The following DOCK5 variants were observed in gnomAD, a reference collection of about 807,000 sequenced individuals.
DOCK5 encodes the protein dedicator of cytokinesis protein 5.
A neutral mutation model predicts 251.8 loss-of-function variants in DOCK5; 142 were observed. The observed-to-expected ratio is 0.56, with a 90% CI of 0.49 to 0.65. The LOEUF (loss-of-function observed/expected upper bound fraction) is 0.65. DOCK5 is among the 30% of genes least tolerant of loss of function. The pLI is 0.00. For synonymous variants in DOCK5, 842 were observed against 835.5 expected (o/e 1.01, Z -0.13); for missense variants, 2,111 against 2,312.3 (o/e 0.91, Z 1.79).
Position 25,308,830 on chromosome 8 carries a change from CT to C in DOCK5, c.1100del (p.Leu367Ter). 1 of 1,613,912 alleles carries C rather than the reference CT, an allele frequency of 6.2e-7. No homozygotes were observed. The highest frequency in any genetic ancestry group is 8.5e-7 in the Non-Finnish European group (1 of 1,179,846). On this transcript the variant is annotated frameshift_variant, in exon 12 of 52. Coordinates refer to ENST00000276440, the MANE Select transcript of DOCK5 (RefSeq NM_024940.8). LOFTEE classifies it high-confidence loss of function. Reference protein sequence around the residue: ...YIRQRQLIMSPLITSHVIGEN... With the variant: ...YIRQRQLIMSXLITSHVIGEN... ...CGCCAGAGGCAGCTCATCATGTCGCCTTTGATAACATCACACGTGATTGGGG... is the reference window on the plus strand; with the variant it reads ...CGCCAGAGGCAGCTCATCATGTCGCCTTGATAACATCACACGTGATTGGGG...
At chr8:25,231,745 A>G (rs1308386899) in intron 1 of DOCK5, among the ~76,000 whole-genome samples, 2 of 152,306 alleles carry the variant, frequency 1.3e-5, no homozygotes, top group South Asian at 2.1e-4. Context: ...ATTCAAGCAG[A>G]TATCTTTGCC....
chr8:25,302,610 C>T (rs1463142449), intron 10 of DOCK5, among the ~76,000 whole-genome samples, 156 bp downstream of exon 10: 2 of 152,194 alleles, frequency 1.3e-5, no homozygotes, highest in African/African-American at 2.4e-5. Context: ...ATTTGTGCAT[C>T]CATGTTTGTA....
chr8:25,364,839 A>G (rs1800748353), intron 30 of DOCK5, 135 bp downstream of exon 30: 1 of 640,312 alleles, frequency 1.6e-6, no homozygotes, highest in African/African-American at 1.8e-5. Context: ...TCATTTCCTA[A>G]AGCACATATG....
chr8:25,248,260 C>G (rs1352212006), intron 2 of DOCK5, among the ~76,000 whole-genome samples: 2 of 152,206 alleles, frequency 1.3e-5, no homozygotes, highest in Non-Finnish European at 2.9e-5. Flanking sequence ...GCTTGATTCT[C>G]AAATTCCTTT....
intron 18 of DOCK5, among the ~76,000 whole-genome samples, chr8:25,331,801 TAGAGAGAGAGAGAGAGAGAGAGAG>T (rs59239520): frequency 2.5e-5 from 3 of 118,530 alleles, no homozygotes; most frequent in African/African-American, 6.9e-5. Flanking sequence ...TATATATATA[TAGAGAGAGAGAGAGAGAGAGAGAG>T]AGAGAGAGAG....
chr8:25,226,990 C>T (rs962108136), intron 1 of DOCK5, among the ~76,000 whole-genome samples: 2 of 152,186 alleles, frequency 1.3e-5, no homozygotes, highest in African/African-American at 4.8e-5. Context: ...GATGTGTGTA[C>T]CATGATTTAT....
chr8:25,367,207 G>A (rs970263177), intron 31 of DOCK5, among the ~76,000 whole-genome samples: 5 of 152,092 alleles, frequency 3.3e-5, no homozygotes, highest in African/African-American at 1.2e-4. Context: ...TCTGTACCTG[G>A]AGACGGACCT....
intron 1 of DOCK5, among the ~76,000 whole-genome samples, chr8:25,228,747 T>C (rs890876254): frequency 3.3e-5 from 5 of 152,118 alleles, no homozygotes; most frequent in Admixed American, 2.0e-4. Context: ...TTTTTTCACA[T>C]GTTTATTCTT....
chr8:25,298,620 AG>A (rs1249762810), intron 7 of DOCK5, among the ~76,000 whole-genome samples: 1 of 152,206 alleles, frequency 6.6e-6, no homozygotes, highest in East Asian at 1.9e-4. Context: ...TGATTGATTG[AG>A]ACAGGGTCTC....
intron 1 of DOCK5, among the ~76,000 whole-genome samples, chr8:25,217,990 C>T (rs908857610): frequency 1.3e-5 from 2 of 152,178 alleles, no homozygotes; most frequent in African/African-American, 4.8e-5. Flanking sequence ...AATTTGATTT[C>T]AAATACATCT....
rs1259891485 is a variant in DOCK5, at chr8:25,413,901, A to C, written c.*2603A>C. The C allele has an allele frequency of 1.3e-5, 2 of 152,206 alleles. No homozygotes were observed. The highest frequency in any genetic ancestry group is 4.8e-5 in the African/African-American group (2 of 41,456). The allele number at this position is 152,206 out of a possible 1,614,324, so 9.4% of individuals were successfully genotyped here. A position where few individuals can be genotyped will look rare whatever the true frequency, so the allele number is the denominator to read the frequency against. On this transcript the variant is annotated 3_prime_UTR_variant, in exon 52 of 52. Coordinates refer to ENST00000276440, the MANE Select transcript of DOCK5 (RefSeq NM_024940.8). ...GTCACATTTGACAGAATTCATAAAT[A>C]ATGTGTCCTGAAGTCAGAGGATGAC... is the stretch of plus-strand genomic sequence containing the variant.
intron 18 of DOCK5, among the ~76,000 whole-genome samples, chr8:25,329,530 A>G (rs894896336): frequency 6.6e-6 from 1 of 152,200 alleles, no homozygotes; most frequent in South Asian, 2.1e-4. Flanking sequence ...TTTACTCAGC[A>G]TTACTGAAGA....
chr8:25,361,932 A>G (rs1532912), intron 28 of DOCK5, among the ~76,000 whole-genome samples: 47,051 of 152,152 alleles, frequency 0.31, 7,521 homozygotes, highest in East Asian at 0.35. Context: ...ACTGGACAGG[A>G]CTTTCAAGAA....
intron 1 of DOCK5, among the ~76,000 whole-genome samples, chr8:25,219,600 CT>C: frequency 1.3e-5 from 2 of 152,272 alleles, no homozygotes; most frequent in Middle Eastern, 3.4e-3. Flanking sequence ...CTGAAAATAT[CT>C]CTATTCCACC....
At chr8:25,324,976 T>C (rs1805525559) in intron 17 of DOCK5, among the ~76,000 whole-genome samples, 1 of 152,108 alleles carries the variant, frequency 6.6e-6, no homozygotes, top group Non-Finnish European at 1.5e-5. Context: ...GGACATGAAC[T>C]CATCCTTTTT....
chr8:25,395,889 G>C (rs1201149192), intron 45 of DOCK5, 170 bp downstream of exon 45: 1 of 861,386 alleles, frequency 1.2e-6, no homozygotes, highest in African/African-American at 1.7e-5. Flanking sequence ...ACTTCTTAGA[G>C]ACTATCAGCA....
chr8:25,353,006 A>C (rs146527749), intron 27 of DOCK5, among the ~76,000 whole-genome samples: 23 of 152,296 alleles, frequency 1.5e-4, no homozygotes, highest in African/African-American at 5.3e-4. Flanking sequence ...CCATAGCAGA[A>C]ACCCTAAGAC....
At chr8:25,271,240 A>G (rs940866023) in intron 3 of DOCK5, 1 of 160,918 alleles carries the variant, frequency 6.2e-6, no homozygotes, top group Non-Finnish European at 1.3e-5. Flanking sequence ...TTCAGAAGAA[A>G]TCTTTCGGTA....
At chr8:25,237,671 C>A (rs1362718712) in intron 1 of DOCK5, among the ~76,000 whole-genome samples, 1 of 152,166 alleles carries the variant, frequency 6.6e-6, no homozygotes, top group Non-Finnish European at 1.5e-5. Flanking sequence ...TTTGTCTTTC[C>A]CAGTGCTGTT....
Sources: gnomAD v4.1 joint callset for allele counts (sites outside exome capture counted in the v4.1 genomes callset) on GRCh38, gnomAD v4.1.1 for gene constraint, MANE v1.5 for transcripts, NCBI Gene and HGNC (gene_info 2026-07-23, HGNC 2026-07-21) for gene names.